The following WWOX variants were observed in gnomAD, a reference collection of about 807,000 sequenced individuals.
WWOX encodes the protein WW domain-containing oxidoreductase.
Under a neutral mutation model 46.2 loss-of-function variants are expected in WWOX, and 69 were observed. The observed-to-expected ratio is 1.49, with a 90% CI of 1.23 to 1.82. The LOEUF (loss-of-function observed/expected upper bound fraction) is 1.82, where lower values mean the gene tolerates loss of function less well. Among genes scored for constraint, WWOX ranks in the 40% most tolerant of loss-of-function variants. The pLI, the probability that WWOX is intolerant of heterozygous loss-of-function variation, is 0.00. For missense variants in WWOX, 919 were observed against 542.6 expected (o/e 1.69, Z -6.89); for synonymous variants, 359 against 202.6 (o/e 1.77, Z -6.56).
intron 8 of WWOX, among the ~76,000 whole-genome samples, chr16:78,900,712 C>G (rs984625632): frequency 2.0e-5 from 3 of 152,084 alleles, no homozygotes; most frequent in Non-Finnish European, 4.4e-5. Flanking sequence ...CATTTTGAAT[C>G]AATGGAATCA....
chr16:79,138,130 C>G (rs911634250), intron 8 of WWOX, among the ~76,000 whole-genome samples: 13 of 152,144 alleles, frequency 8.5e-5, no homozygotes, highest in Non-Finnish European at 1.3e-4. Flanking sequence ...AAATAATTCC[C>G]CGAGAATACT....
intron 8 of WWOX, among the ~76,000 whole-genome samples, chr16:78,726,781 C>A (rs1400542210): frequency 6.6e-6 from 1 of 151,562 alleles, no homozygotes; most frequent in African/African-American, 2.4e-5. Context: ...GTGAGAGTTG[C>A]ATGGGGCAAT....
intron 6 of WWOX, among the ~76,000 whole-genome samples, chr16:78,394,192 C>G (rs1028946075): frequency 6.6e-6 from 1 of 152,152 alleles, no homozygotes; most frequent in Non-Finnish European, 1.5e-5. Flanking sequence ...CTGCATTACT[C>G]TTGGCTCAAT....
chr16:78,786,959 G>C (rs929231952), intron 8 of WWOX, among the ~76,000 whole-genome samples: 2 of 152,110 alleles, frequency 1.3e-5, no homozygotes, highest in South Asian at 4.2e-4. Flanking sequence ...ATGAGCCTGG[G>C]CAACATGATG....
At chr16:78,796,912 G>T (rs116668009) in intron 8 of WWOX, among the ~76,000 whole-genome samples, 5 of 149,754 alleles carry the variant, frequency 3.3e-5, no homozygotes, top group African/African-American at 4.9e-5. Flanking sequence ...TGCAAATTCT[G>T]CCTGCTAAGA....
intron 5 of WWOX, among the ~76,000 whole-genome samples, chr16:78,265,753 C>CT (rs376795614): frequency 0.013 from 1,950 of 147,740 alleles, 43 homozygotes; most frequent in African/African-American, 0.045. Context: ...GTTGTATCAG[C>CT]TTTTTTTTTT....
At chr16:79,041,266 A>G (rs1029657742) in intron 8 of WWOX, among the ~76,000 whole-genome samples, 12 of 152,100 alleles carry the variant, frequency 7.9e-5, no homozygotes, top group Admixed American at 3.9e-4. Context: ...TTCTTCCTTC[A>G]TAAGGTTAAT....
chr16:78,525,746 CCTTT>C (rs1239313551), intron 8 of WWOX: 1 of 151,872 alleles, frequency 6.6e-6, no homozygotes, highest in Non-Finnish European at 1.5e-5. Context: ...CACATCTTCC[CCTTT>C]CTTCTCCCCC....
chr16:78,160,607 C>T (rs532282034), intron 4 of WWOX, among the ~76,000 whole-genome samples: 7 of 152,172 alleles, frequency 4.6e-5, no homozygotes, highest in African/African-American at 1.7e-4. Context: ...TGAGAATTTT[C>T]TGGGATCTTG....
At position 79,211,637 on chromosome 16, in the gene WWOX, T is replaced by C. The variant is rs755448649; in HGVS notation, c.1086T>C (p.Cys362=). ...MQQGAATTVY[C]AAVPELEGLG... ...AGGGAGCTGCCACCACCGTGTACTGTGCTGCTGTCCCAGAACTGGAGGGTC... is the reference window on the plus strand; with the variant it reads ...AGGGAGCTGCCACCACCGTGTACTGCGCTGCTGTCCCAGAACTGGAGGGTC... The change falls in exon 9 of 9, where the codon TGT becomes TGC. Residue 362 remains cysteine (C), a synonymous_variant. Transcript: ENST00000566780. 1 of 1,614,222 alleles carries C rather than the reference T, an allele frequency of 6.2e-7. No individual in the cohort carries two copies. The highest frequency in any genetic ancestry group is 8.5e-7 in the Non-Finnish European group (1 of 1,180,040).
chr16:78,581,496 A>T (rs777576278), intron 8 of WWOX, among the ~76,000 whole-genome samples: 11 of 152,226 alleles, frequency 7.2e-5, no homozygotes, highest in Non-Finnish European at 1.0e-4. Context: ...AACCCTTTGA[A>T]GTTGTGACTG....
intron 8 of WWOX, among the ~76,000 whole-genome samples, chr16:78,517,349 A>G (rs1427273643): frequency 9.0e-6 from 1 of 111,682 alleles, no homozygotes; most frequent in Non-Finnish European, 1.6e-5. Flanking sequence ...GTTCTCTCCT[A>G]TATTTTGACA....
Position 78,405,792 on chromosome 16 carries a change from A to G in WWOX, c.605+18844A>G, listed in dbSNP as rs572251463. ...GCTGTCAAACAAGGTGGGCATTATC[A>G]TTCCCTTTATAGGGGACACAGCTGT... On this transcript the variant is annotated intron_variant, in intron 6 of 8. Transcript: ENST00000566780. Among the ~76,000 whole-genome samples, 11 of 152,242 alleles carry G rather than the reference A, an allele frequency of 7.2e-5. No individual in the cohort carries two copies. The South Asian group carries it at 2.3e-3, about 32-fold the overall frequency.
At chr16:78,518,755 G>A (rs1037277621) in intron 8 of WWOX, among the ~76,000 whole-genome samples, 1 of 152,260 alleles carries the variant, frequency 6.6e-6, no homozygotes, top group East Asian at 1.9e-4. Flanking sequence ...CCAGAACAAG[G>A]CCAGCTTCCT....
At chr16:78,580,739 G>C (rs1466934445) in intron 8 of WWOX, among the ~76,000 whole-genome samples, 2 of 152,182 alleles carry the variant, frequency 1.3e-5, no homozygotes, top group East Asian at 3.9e-4. Flanking sequence ...AGAAAATGGC[G>C]ACAAAGATTA....
rs563086806 is a variant in WWOX at position 78,165,909 on chromosome 16, C to G, written c.516+1620C>G. ...AAAACAGAGTCTTACTTTTTCTGAT[C>G]ATTTTATTGTCTTTCTGACTAATGT... On this transcript the variant is annotated intron_variant, in intron 5 of 8. Transcript: ENST00000566780. Among the ~76,000 whole-genome samples, 71 of 152,210 alleles carry G rather than the reference C, an allele frequency of 4.7e-4. 1 individual carries two copies. The South Asian group carries it at 0.015, about 31-fold the overall frequency.
At chr16:78,932,027 C>A (rs112804816) in intron 8 of WWOX, among the ~76,000 whole-genome samples, 1 of 152,170 alleles carries the variant, frequency 6.6e-6, no homozygotes, top group Admixed American at 6.5e-5. Flanking sequence ...GGCCTTCTGC[C>A]GTGATTGTGA....
chr16:78,755,329 G>A (rs1030568013), intron 8 of WWOX, among the ~76,000 whole-genome samples: 1 of 152,016 alleles, frequency 6.6e-6, no homozygotes, highest in Non-Finnish European at 1.5e-5. Context: ...TGTACATTTC[G>A]AGAAGGCAAT....
chr16:78,370,872 T>G (rs906669111), intron 5 of WWOX, among the ~76,000 whole-genome samples: 1 of 151,720 alleles, frequency 6.6e-6, no homozygotes, highest in African/African-American at 2.4e-5. Context: ...TATTTCTGTT[T>G]CATTGAGATG....
Sources: gnomAD v4.1 joint callset for allele counts (sites outside exome capture counted in the v4.1 genomes callset) on GRCh38, gnomAD v4.1.1 for gene constraint, MANE v1.5 for transcripts, NCBI Gene and HGNC (gene_info 2026-07-23, HGNC 2026-07-21) for gene names.